WDPCP: variants seen among roughly 807,000 people sequenced by gnomAD.
WDPCP encodes WD repeat-containing and planar cell polarity effector protein fritz homolog.
WDPCP carries 71 observed loss-of-function variants against 93.1 expected under a neutral mutation model. The observed-to-expected ratio is 0.76, with a 90% CI of 0.63 to 0.93. The LOEUF (loss-of-function observed/expected upper bound fraction) is 0.93. Ranked by LOEUF, WDPCP falls within the 40% of genes least tolerant of loss-of-function variation. The pLI, the probability that WDPCP is intolerant of heterozygous loss-of-function variation, is 0.00. For synonymous variants in WDPCP, 315 were observed against 315.0 expected (o/e 1.00, Z 0.00); for missense variants, 844 against 887.4 (o/e 0.95, Z 0.62).
At chr2:63,512,631 C>G (rs1008025294) in intron 1 of WDPCP, among the ~76,000 whole-genome samples, 2 of 152,112 alleles carry the variant, frequency 1.3e-5, no homozygotes, top group Admixed American at 1.3e-4. Flanking sequence ...TCTCAGCAAA[C>G]TAACACAGCA....
At chr2:63,176,140 C>A (rs1034912546) in intron 14 of WDPCP, among the ~76,000 whole-genome samples, 1 of 152,038 alleles carries the variant, frequency 6.6e-6, no homozygotes, top group African/African-American at 2.4e-5. Context: ...TGACATGCTA[C>A]CTTATGGTTT....
rs796461139 is a variant in WDPCP at position 63,585,586 on chromosome 2, C to T, written c.75+2611G>A. Among the ~76,000 whole-genome samples, 17 of 152,084 alleles carry T rather than the reference C, an allele frequency of 1.1e-4. 1 individual carries two copies. The highest frequency in any genetic ancestry group is 3.9e-4 in the African/African-American group (16 of 41,508). On this transcript the variant is annotated intron_variant, in intron 1 of 17. Transcript: ENST00000272321. The stretch of plus-strand genomic sequence containing the variant: ...AAATACATGATCCTATGGTAAAGTA[C>T]ATATTTCTAAAAATGTAGCTACTTA...
chr2:63,138,485 G>A (rs13395169), intron 17 of WDPCP, among the ~76,000 whole-genome samples: 14 of 142,934 alleles, frequency 9.8e-5, no homozygotes, highest in Admixed American at 2.9e-4. Flanking sequence ...ACGGAGTCTC[G>A]CTGTTGCCCA....
At position 63,729,388 on chromosome 2, in the gene WDPCP, T is replaced by A. The variant is rs1057407483; in HGVS notation, n.309-78550A>T. On this transcript the variant is annotated intron_variant and non_coding_transcript_variant, in intron 2 of 4. Transcript: ENST00000467687. The stretch of plus-strand genomic sequence containing the variant: ...AGTGGAGTTGTTCTGTGGAAAGGAG[T>A]TTTGGAGTAAAAATAAATGAATAAC... 2.6e-5 allele frequency among the ~76,000 whole-genome samples: 4 copies of A among 151,580 alleles called. No homozygotes were observed. In the East Asian group the frequency reaches 7.7e-4, roughly 29 times the overall value.
intron 3 of WDPCP, among the ~76,000 whole-genome samples, chr2:63,615,087 C>G (rs1261375185): frequency 2.0e-5 from 3 of 152,150 alleles, no homozygotes; most frequent in Non-Finnish European, 2.9e-5. Flanking sequence ...GAGTTCTCGG[C>G]AGAACTTCCC....
At chr2:63,168,593 T>C (rs1023342945) in intron 15 of WDPCP, 4 of 152,178 alleles carry the variant, frequency 2.6e-5, no homozygotes, top group Admixed American at 6.5e-5. Context: ...TTGCTGTGTT[T>C]CTCTCTGAGG....
At chr2:63,707,360 G>A (rs927476372) in intron 2 of WDPCP, among the ~76,000 whole-genome samples, 7 of 151,918 alleles carry the variant, frequency 4.6e-5, no homozygotes, top group African/African-American at 7.3e-5. Context: ...TTCTCTTCAC[G>A]CTTCATTTCA....
chr2:63,353,002 G>T (rs1201035619), intron 12 of WDPCP, among the ~76,000 whole-genome samples: 1 of 152,078 alleles, frequency 6.6e-6, no homozygotes, highest in African/African-American at 2.4e-5. Context: ...CTCACATTGG[G>T]ACTAATCAAG....
chr2:63,319,634 G>A (rs547276463), intron 12 of WDPCP, among the ~76,000 whole-genome samples: 225 of 152,150 alleles, frequency 1.5e-3, no homozygotes, highest in Middle Eastern at 6.8e-3. Flanking sequence ...GCCCACTACC[G>A]CGCCTGGCTA....
chr2:63,335,184 T>A (rs1375359565), intron 12 of WDPCP, among the ~76,000 whole-genome samples: 1 of 152,208 alleles, frequency 6.6e-6, no homozygotes, highest in Non-Finnish European at 1.5e-5. Flanking sequence ...TATCTACCCA[T>A]GCCCTTTTAA....
chr2:63,169,061 C>T (rs1457892681), intron 15 of WDPCP, among the ~76,000 whole-genome samples: 1 of 152,192 alleles, frequency 6.6e-6, no homozygotes, highest in Non-Finnish European at 1.5e-5. Flanking sequence ...CTTTCACTCT[C>T]TGTTCCACTC....
At chr2:63,537,165 A>T (rs765429018) in intron 1 of WDPCP, among the ~76,000 whole-genome samples, 2 of 152,170 alleles carry the variant, frequency 1.3e-5, no homozygotes, top group Non-Finnish European at 2.9e-5. Context: ...GTTATCTTTA[A>T]CAAAAATTTG....
At chr2:63,374,197 T>C (rs1691648264) in intron 12 of WDPCP, among the ~76,000 whole-genome samples, 1 of 152,080 alleles carries the variant, frequency 6.6e-6, no homozygotes, top group Non-Finnish European at 1.5e-5. Context: ...GCATGAGCTC[T>C]CAGTTATGTC....
chr2:63,384,916 C>T lies in WDPCP; in HGVS notation c.1436-2822G>A, dbSNP rs375346805. 5.9e-5 allele frequency among the ~76,000 whole-genome samples: 9 copies of T among 151,826 alleles called. No homozygotes were observed. The South Asian group carries it at 1.3e-3, about 21-fold the overall frequency. On this transcript the variant is annotated intron_variant, in intron 10 of 17. Transcript: ENST00000272321. ...GACCAATATTTCCCATAAACAAACACAAAAACCCTTAACATAATATTAGCA... is the reference window on the plus strand; with the variant it reads ...GACCAATATTTCCCATAAACAAACATAAAAACCCTTAACATAATATTAGCA...
chr2:63,349,488 A>G (rs576709190), intron 12 of WDPCP, among the ~76,000 whole-genome samples: 1 of 152,254 alleles, frequency 6.6e-6, no homozygotes, highest in African/African-American at 2.4e-5. Flanking sequence ...ATCTCTTTCT[A>G]TATGAATTAT....
chr2:63,746,198 C>T (rs1260221482), intron 2 of WDPCP, among the ~76,000 whole-genome samples: 2 of 152,188 alleles, frequency 1.3e-5, no homozygotes, highest in East Asian at 3.8e-4. Context: ...ACTGCAATCT[C>T]TGAACATAAA....
intron 2 of WDPCP, among the ~76,000 whole-genome samples, chr2:63,702,538 C>CTT (rs67899382): frequency 0.089 from 13,066 of 147,196 alleles, 1,302 homozygotes; most frequent in African/African-American, 0.24. Flanking sequence ...GCTACCCATT[C>CTT]TTTTTTTTTT....
intron 1 of WDPCP, among the ~76,000 whole-genome samples, chr2:63,529,294 GT>G (rs556831592): frequency 8.7e-4 from 133 of 152,266 alleles, no homozygotes; most frequent in Non-Finnish European, 1.6e-3. Flanking sequence ...TCTTGTGCAA[GT>G]TTTCAAAGGG....
At chr2:63,515,415 T>C (rs1702487523) in intron 1 of WDPCP, among the ~76,000 whole-genome samples, 1 of 152,170 alleles carries the variant, frequency 6.6e-6, no homozygotes, top group African/African-American at 2.4e-5. Context: ...CACTCAAAAG[T>C]ACTTTCTATT....
Sources: allele counts gnomAD v4.1 joint callset (sites outside exome capture counted in the v4.1 genomes callset), GRCh38; gene constraint gnomAD v4.1.1; transcripts MANE v1.5; gene names NCBI Gene and HGNC (gene_info 2026-07-23, HGNC 2026-07-21).